ELP4: variants seen among roughly 807,000 people sequenced by gnomAD.
ELP4 encodes elongator acetyltransferase complex subunit 4.
In ELP4, 51 loss-of-function variants were observed where a neutral mutation model predicts 48.9. That is an observed-to-expected ratio of 1.04 (90% confidence interval 0.83 to 1.32). The LOEUF (loss-of-function observed/expected upper bound fraction) is 1.32, where lower values mean the gene tolerates loss of function less well. Among genes scored for constraint, ELP4 ranks in the 40% most tolerant of loss-of-function variants. ELP4 has a pLI of 0.00. For missense variants in ELP4, 519 were observed against 514.6 expected (o/e 1.01, Z -0.08); for synonymous variants, 210 against 189.2 (o/e 1.11, Z -0.90).
chr11:31,690,796 C>CTTTT (rs10653769), intron 9 of ELP4, among the ~76,000 whole-genome samples: 2 of 109,606 alleles, frequency 1.8e-5, no homozygotes, highest in African/African-American at 3.4e-5. Flanking sequence ...GTTTTTTTTC[C>CTTTT]TTTTTTTTTT....
intron 9 of ELP4, among the ~76,000 whole-genome samples, chr11:31,704,452 A>G (rs1254682739): frequency 6.6e-6 from 1 of 151,990 alleles, no homozygotes; most frequent in Non-Finnish European, 1.5e-5. Flanking sequence ...ACACTTGGAC[A>G]CAGGAAGGGG....
chr11:31,554,933 A>G (rs1360880235), intron 3 of ELP4, among the ~76,000 whole-genome samples: 1 of 152,184 alleles, frequency 6.6e-6, no homozygotes. Context: ...TTTTATATTC[A>G]ATATGTTAAC....
intron 1 of ELP4, among the ~76,000 whole-genome samples, chr11:31,515,001 A>ATGTGTGTGTGTGTGTG (rs753678395): frequency 7.6e-6 from 1 of 131,938 alleles, no homozygotes; most frequent in Non-Finnish European, 1.6e-5. Context: ...TGCTGTATGC[A>ATGTGTGTGTGTGTGTG]TGTGTGTGTG....
At chr11:31,677,258 G>A (rs1331949155) in intron 9 of ELP4, among the ~76,000 whole-genome samples, 1 of 152,150 alleles carries the variant, frequency 6.6e-6, no homozygotes, top group African/African-American at 2.4e-5. Context: ...TGTCTGTTTT[G>A]CAATTATGGG....
At position 31,575,970 on chromosome 11, in the gene ELP4, T is replaced by A. The variant is rs561067753; in HGVS notation, c.382-18800T>A. 1.4e-4 allele frequency among the ~76,000 whole-genome samples: 22 copies of A among 152,122 alleles called. No individual in the cohort carries two copies. The East Asian group carries it at 4.3e-3, about 29-fold the overall frequency. ...AACCTTAAATGTAAATGGACTAAATTCTCCAATTAAAAGACACAGACTGGA... is the reference window on the plus strand; with the variant it reads ...AACCTTAAATGTAAATGGACTAAATACTCCAATTAAAAGACACAGACTGGA... On this transcript the variant is annotated intron_variant, in intron 3 of 9. Coordinates refer to ENST00000640961, the MANE Select transcript of ELP4 (RefSeq NM_019040.5).
At chr11:31,768,225 C>A (rs1014780407) in intron 9 of ELP4, among the ~76,000 whole-genome samples, 1 of 152,014 alleles carries the variant, frequency 6.6e-6, no homozygotes, top group African/African-American at 2.4e-5. Context: ...TATATACTTA[C>A]ACTTAAATAT....
chr11:31,515,564 C>T (rs972895188), intron 1 of ELP4, among the ~76,000 whole-genome samples: 1 of 152,104 alleles, frequency 6.6e-6, no homozygotes. Flanking sequence ...ATTTCAGAGG[C>T]TGAGATGGGA....
rs11529888 is a variant in ELP4 at position 31,742,923 on chromosome 11, G to A, written c.1144-40470G>A. On this transcript the variant is annotated intron_variant, in intron 9 of 9. Coordinates refer to ENST00000640961, the MANE Select transcript of ELP4 (RefSeq NM_019040.5). ...CAATATTAACTTTAAATGTAAATGGGCTAAATGCTCCAATTAAAAGACACA... is the reference window on the plus strand; with the variant it reads ...CAATATTAACTTTAAATGTAAATGGACTAAATGCTCCAATTAAAAGACACA... Among the ~76,000 whole-genome samples, 109 of 152,242 alleles carry A rather than the reference G, an allele frequency of 7.2e-4. 1 individual carries two copies. The East Asian group carries it at 0.02, about 28-fold the overall frequency.
chr11:31,710,417 G>A (rs1284624578), intron 9 of ELP4, among the ~76,000 whole-genome samples: 1 of 152,168 alleles, frequency 6.6e-6, no homozygotes, highest in East Asian at 1.9e-4. Context: ...TTGAGGCCAG[G>A]AGTTCAAGAC....
intron 7 of ELP4, among the ~76,000 whole-genome samples, chr11:31,640,727 G>A (rs1436534374): frequency 6.6e-6 from 1 of 151,942 alleles, no homozygotes; most frequent in Non-Finnish European, 1.5e-5. Flanking sequence ...CTAGCAAATT[G>A]TACACTGTGG....
chr11:31,776,463 T>C (rs1948250525), intron 9 of ELP4, among the ~76,000 whole-genome samples: 1 of 152,230 alleles, frequency 6.6e-6, no homozygotes, highest in Non-Finnish European at 1.5e-5. Context: ...TCTAGAAGGC[T>C]ATGTGCCTCA....
At chr11:31,574,201 C>G (rs11031413) in intron 3 of ELP4, among the ~76,000 whole-genome samples, 2 of 152,082 alleles carry the variant, frequency 1.3e-5, no homozygotes, top group Non-Finnish European at 2.9e-5. Flanking sequence ...TTTCAGCAGT[C>G]TGAGATCGAA....
rs963838066 is a variant in ELP4, at chr11:31,549,751, T to G, written c.381+9968T>G. Among the ~76,000 whole-genome samples the G allele has an allele frequency of 2.0e-5, 3 of 152,218 alleles. No homozygotes were observed. The South Asian group carries it at 6.2e-4, about 32-fold the overall frequency. ...TGGTACCTACCCAAATGTCCAACAA[T>G]TATAGACTGGATTAAGAAAATGTGG... On this transcript the variant is annotated intron_variant, in intron 3 of 9. Transcript: ENST00000640961.
intron 3 of ELP4, among the ~76,000 whole-genome samples, chr11:31,576,228 C>G (rs1438297976): frequency 1.3e-5 from 2 of 152,172 alleles, no homozygotes; most frequent in Non-Finnish European, 2.9e-5. Context: ...ATCAATTCAA[C>G]AAGAAGAGCT....
intron 9 of ELP4, among the ~76,000 whole-genome samples, chr11:31,686,244 T>C (rs16925886): frequency 0.021 from 3,127 of 151,816 alleles, 102 homozygotes; most frequent in African/African-American, 0.071. Context: ...GAAACTCTGG[T>C]CTGTTATTAT....
chr11:31,763,402 C>A, intron 9 of ELP4: 3 of 1,582,854 alleles, frequency 1.9e-6, no homozygotes, highest in South Asian at 1.2e-5. Flanking sequence ...TCTCTTTTCT[C>A]TGAGGCAGTG....
At chr11:31,644,344 T>C (rs1182019342) in intron 7 of ELP4, among the ~76,000 whole-genome samples, 4 of 151,998 alleles carry the variant, frequency 2.6e-5, no homozygotes, top group Admixed American at 2.0e-4. Flanking sequence ...GCAAAGATTA[T>C]GTTCAAATTT....
rs562470196 is a variant in ELP4 at position 31,528,196 on chromosome 11, C to T, written c.259+8105C>T. 4.0e-4 allele frequency among the ~76,000 whole-genome samples: 61 copies of T among 152,086 alleles called. No individual in the cohort carries two copies. In the South Asian group the frequency reaches 0.012, roughly 29 times the overall value. On this transcript the variant is annotated intron_variant, in intron 2 of 9. Coordinates refer to ENST00000640961, the MANE Select transcript of ELP4 (RefSeq NM_019040.5). ...TCAGGTAATCATGAAATTGCCTGATCGTGATTACTTATTTAATAGACTGTA... is the reference window on the plus strand; with the variant it reads ...TCAGGTAATCATGAAATTGCCTGATTGTGATTACTTATTTAATAGACTGTA...
chr11:31,766,553 T>C (rs1948045614), intron 9 of ELP4, among the ~76,000 whole-genome samples: 1 of 152,092 alleles, frequency 6.6e-6, no homozygotes, highest in Non-Finnish European at 1.5e-5. Context: ...TTTTACAACA[T>C]GATCAATGAT....
Sources: allele counts gnomAD v4.1 joint callset (sites outside exome capture counted in the v4.1 genomes callset), GRCh38; gene constraint gnomAD v4.1.1; transcripts MANE v1.5; gene names NCBI Gene and HGNC (gene_info 2026-07-23, HGNC 2026-07-21).